NNT: variants seen among roughly 807,000 people sequenced by gnomAD.
NNT encodes NAD(P) transhydrogenase, mitochondrial.
NNT carries 50 observed loss-of-function variants against 104.8 expected under a neutral mutation model. That is an observed-to-expected ratio of 0.48 (90% CI 0.38 to 0.60). The LOEUF is 0.60. NNT is among the 20% of genes least tolerant of loss of function. The pLI, the probability that NNT is intolerant of heterozygous loss-of-function variation, is 0.00. For synonymous variants in NNT, 461 were observed against 490.4 expected (o/e 0.94, Z 0.79); for missense variants, 1,131 against 1,330.7 (o/e 0.85, Z 2.33).
chr5:43,652,284 A>C (rs1462958580), intron 13 of NNT, among the ~76,000 whole-genome samples: 1 of 152,218 alleles, frequency 6.6e-6, no homozygotes, highest in Non-Finnish European at 1.5e-5. Context: ...CTACAAATCC[A>C]GCACATCATC....
At chr5:43,703,508 G>T (rs982516985) in intron 21 of NNT, among the ~76,000 whole-genome samples, 2 of 152,272 alleles carry the variant, frequency 1.3e-5, no homozygotes, top group African/African-American at 4.8e-5. Context: ...TTTGTAGAGT[G>T]CATTACTATA....
At chr5:43,648,106 A>G in intron 10 of NNT, 1 of 1,210,742 alleles carries the variant, frequency 8.3e-7, no homozygotes, top group Non-Finnish European at 1.1e-6. Flanking sequence ...ACTGGAAGAC[A>G]AAATAGTGTT....
intron 5 of NNT, among the ~76,000 whole-genome samples, chr5:43,622,660 A>G (rs1750157578): frequency 6.6e-6 from 1 of 152,214 alleles, no homozygotes; most frequent in South Asian, 2.1e-4. Flanking sequence ...CAGTCTGAGA[A>G]GGCACTTTGA....
rs34304579 is a variant in NNT, at chr5:43,704,626, A to AT, written c.*228dup. 4.1e-5 allele frequency: 18 copies of AT among 436,308 alleles called. No homozygotes were observed. Among genetic ancestry groups the AT allele is most frequent in the Admixed American group, 3.3e-4 (8 of 24,424 alleles). The allele number at this position is 436,308 out of a possible 1,614,324, so 27.0% of individuals were successfully genotyped here. ...AAATTCTAAATGTCTTTCTGTGCAT[A>AT]TTTTTTGTGTTAGGAATCAAAAGTA... On this transcript the variant is annotated 3_prime_UTR_variant, in exon 22 of 22. Coordinates refer to ENST00000344920, the MANE Select transcript of NNT (RefSeq NM_182977.3).
chr5:43,658,786 T>C (rs1246914973), intron 16 of NNT, among the ~76,000 whole-genome samples: 2 of 152,230 alleles, frequency 1.3e-5, no homozygotes, highest in Admixed American at 1.3e-4. Context: ...TCAGTAAGAC[T>C]GTGGGCTTAT....
At chr5:43,698,277 GA>G (rs1259698283) in intron 19 of NNT, among the ~76,000 whole-genome samples, 1 of 151,174 alleles carries the variant, frequency 6.6e-6, no homozygotes, top group African/African-American at 2.4e-5. Context: ...ACTTTGATGA[GA>G]AAAAAAATCA....
intron 19 of NNT, among the ~76,000 whole-genome samples, chr5:43,697,642 C>T (rs1742626928): frequency 1.3e-5 from 2 of 152,144 alleles, no homozygotes; most frequent in Non-Finnish European, 1.5e-5. Flanking sequence ...GTTTAATGGA[C>T]TTACAGTTCC....
chr5:43,659,216 G>A lies in NNT; in HGVS notation c.2500G>A (p.Val834Ile), dbSNP rs372546826. ...AAIGGADMPV[V>I]ITVLNSYSGW... ...TATTGGGGGTGCTGACATGCCCGTC[G>A]TTATCACTGTGCTGAACAGCTACTC... Residue 834 changes from valine to isoleucine, a missense_variant, in exon 17 of 22, where the codon GTT (valine) becomes ATT (isoleucine). Val to Ile is a conservative substitution (Grantham distance 29). Coordinates refer to ENST00000344920, the MANE Select transcript of NNT (RefSeq NM_182977.3). 70 of 1,613,378 alleles carry A rather than the reference G, an allele frequency of 4.3e-5. No homozygotes were observed. Among genetic ancestry groups the A allele is most frequent in the East Asian group, 1.1e-4 (5 of 44,856 alleles).
chr5:43,603,469 C>T (rs1351775858), intron 1 of NNT, among the ~76,000 whole-genome samples, 175 bp downstream of exon 1: 2 of 152,092 alleles, frequency 1.3e-5, no homozygotes, highest in African/African-American at 2.4e-5. Flanking sequence ...ATTGGGGTGT[C>T]CGCAGGCCGC....
At chr5:43,697,006 A>G (rs1451071329) in intron 19 of NNT, among the ~76,000 whole-genome samples, 1 of 152,222 alleles carries the variant, frequency 6.6e-6, no homozygotes, top group East Asian at 1.9e-4. Flanking sequence ...CTTGGGGATT[A>G]ACATTAGGCT....
intron 11 of NNT, 40 bp from the exon 12 acceptor site, chr5:43,650,437 G>A: frequency 2.9e-6 from 4 of 1,391,050 alleles, no homozygotes; most frequent in Non-Finnish European, 4.1e-6. Context: ...ATTTGGTGGT[G>A]TCACTATCAC....
chr5:43,652,239 T>C (rs937222803), intron 13 of NNT, among the ~76,000 whole-genome samples: 3 of 152,258 alleles, frequency 2.0e-5, no homozygotes, highest in African/African-American at 7.2e-5. Flanking sequence ...GAAAAATTAT[T>C]ATTAAGTACT....
intron 16 of NNT, among the ~76,000 whole-genome samples, chr5:43,658,116 C>G (rs1172487283): frequency 6.6e-6 from 1 of 151,146 alleles, no homozygotes; most frequent in Non-Finnish European, 1.5e-5. Context: ...GCCTGGGTGA[C>G]AAAGCAAGAC....
At chr5:43,667,912 A>G (rs1206853643) in intron 17 of NNT, among the ~76,000 whole-genome samples, 2 of 152,196 alleles carry the variant, frequency 1.3e-5, no homozygotes, top group African/African-American at 4.8e-5. Flanking sequence ...CTATTTCTCC[A>G]CATCCTCACC....
At chr5:43,665,609 A>C (rs992815103) in intron 17 of NNT, among the ~76,000 whole-genome samples, 2 of 152,166 alleles carry the variant, frequency 1.3e-5, no homozygotes, top group Non-Finnish European at 2.9e-5. Context: ...TACAGAACAA[A>C]ATGGAGTCTC....
chr5:43,693,023 A>G (rs1742369473), intron 19 of NNT, among the ~76,000 whole-genome samples: 1 of 151,764 alleles, frequency 6.6e-6, no homozygotes, highest in African/African-American at 2.4e-5. Flanking sequence ...TTGTTATTAT[A>G]CTTAAGTAAG....
intron 7 of NNT, among the ~76,000 whole-genome samples, chr5:43,632,719 G>A (rs1029579763): frequency 6.6e-6 from 1 of 152,104 alleles, no homozygotes; most frequent in African/African-American, 2.4e-5. Flanking sequence ...TTGACCTTTG[G>A]GGCTACCATT....
rs575720626 is a variant in NNT, at chr5:43,618,046, G to T, written c.600-986G>T. On this transcript the variant is annotated intron_variant, in intron 4 of 21. Transcript: ENST00000344920. The stretch of plus-strand genomic sequence containing the variant: ...AGTGTATATATTACCAAGTAAGAAT[G>T]CAAAAGTGCCTTTTACATATAAATT... Among the ~76,000 whole-genome samples, 22 of 152,236 alleles carry T rather than the reference G, an allele frequency of 1.4e-4. 1 individual carries two copies. The South Asian group carries it at 4.4e-3, about 30-fold the overall frequency.
At chr5:43,695,386 G>A (rs1742506622) in intron 19 of NNT, among the ~76,000 whole-genome samples, 1 of 152,192 alleles carries the variant, frequency 6.6e-6, no homozygotes, top group African/African-American at 2.4e-5. Context: ...CATAATTTTT[G>A]TGTGAGGCAG....
Sources: gnomAD v4.1 joint callset for allele counts (sites outside exome capture counted in the v4.1 genomes callset) on GRCh38, gnomAD v4.1.1 for gene constraint, MANE v1.5 for transcripts, NCBI Gene and HGNC (gene_info 2026-07-23, HGNC 2026-07-21) for gene names.